The following PCDH9 variants were observed in gnomAD, a reference collection of about 807,000 sequenced individuals.
The protein encoded by PCDH9 is protocadherin 9, also known as protocadherin-9.
In PCDH9, 24 loss-of-function variants were observed where a neutral mutation model predicts 70.6. The observed-to-expected ratio is 0.34, with a 90% CI of 0.25 to 0.48. PCDH9 has a LOEUF of 0.48. Ranked by LOEUF, PCDH9 falls within the 20% of genes least tolerant of loss-of-function variation. The pLI is 0.99. For synonymous variants in PCDH9, 562 were observed against 558.5 expected, an observed-to-expected ratio of 1.01 and a Z score of -0.09; for missense variants, 1,281 against 1,503.6, an observed-to-expected ratio of 0.85 and a Z score of 2.45.
intron 2 of PCDH9, among the ~76,000 whole-genome samples, chr13:67,031,186 C>A (rs1008984102): frequency 6.6e-6 from 1 of 151,952 alleles, no homozygotes; most frequent in Non-Finnish European, 1.5e-5. Context: ...AGTAAAGAAC[C>A]AATAATGAAA....
chr13:67,013,226 C>T (rs1034676877), intron 2 of PCDH9, among the ~76,000 whole-genome samples: 2 of 149,208 alleles, frequency 1.3e-5, no homozygotes, highest in African/African-American at 4.9e-5. Flanking sequence ...TACAGTTTTT[C>T]GAGGCCATAT....
chr13:66,336,285 C>T (rs1956036566), intron 4 of PCDH9, among the ~76,000 whole-genome samples: 1 of 151,420 alleles, frequency 6.6e-6, no homozygotes, highest in Non-Finnish European at 1.5e-5. Context: ...TTTACAAAAT[C>T]CACAGTACTG....
intron 3 of PCDH9, among the ~76,000 whole-genome samples, chr13:66,830,672 C>A (rs1318473223): frequency 6.6e-6 from 1 of 152,096 alleles, no homozygotes; most frequent in Admixed American, 6.6e-5. Context: ...ATAAATTCAA[C>A]ATGCATTAAT....
intron 4 of PCDH9, among the ~76,000 whole-genome samples, chr13:66,370,585 G>A (rs1444388): frequency 0.93 from 139,200 of 150,294 alleles, 65,426 homozygotes; most frequent in East Asian, 1. Flanking sequence ...ATCATGTCTC[G>A]CTCTATCCTT....
chr13:66,500,641 A>G (rs1293769723), intron 4 of PCDH9, among the ~76,000 whole-genome samples: 2 of 152,238 alleles, frequency 1.3e-5, no homozygotes, highest in East Asian at 3.9e-4. Context: ...AGTTTTTTAT[A>G]TTATGAAAAT....
intron 4 of PCDH9, among the ~76,000 whole-genome samples, chr13:66,317,209 A>C (rs1171641943): frequency 1.3e-5 from 2 of 152,088 alleles, no homozygotes; most frequent in African/African-American, 2.4e-5. Flanking sequence ...TAATTATTAG[A>C]TATATTTAGA....
At chr13:67,216,860 G>C (rs2089618984) in intron 2 of PCDH9, 1 of 151,494 alleles carries the variant, frequency 6.6e-6, no homozygotes, top group Non-Finnish European at 1.5e-5. Flanking sequence ...AGCCAGTCCA[G>C]GTGTGTTCCC....
At chr13:66,970,809 C>G (rs2083508861) in intron 2 of PCDH9, among the ~76,000 whole-genome samples, 1 of 151,886 alleles carries the variant, frequency 6.6e-6, no homozygotes, top group African/African-American at 2.4e-5. Flanking sequence ...ATCCATTCCC[C>G]ATCTCCATTA....
intron 4 of PCDH9, among the ~76,000 whole-genome samples, chr13:66,326,811 T>G (rs894376038): frequency 2.6e-5 from 4 of 151,610 alleles, no homozygotes; most frequent in African/African-American, 9.8e-5. Flanking sequence ...GCTTTTTACA[T>G]AAAAATAAAT....
intron 3 of PCDH9, chr13:66,825,234 C>T (rs935298578): frequency 6.7e-6 from 1 of 150,276 alleles, no homozygotes; most frequent in Non-Finnish European, 1.5e-5. Flanking sequence ...TTCTCTCGAA[C>T]AGGTATGTTT....
At chr13:66,835,482 T>C (rs2081002287) in intron 3 of PCDH9, among the ~76,000 whole-genome samples, 1 of 152,222 alleles carries the variant, frequency 6.6e-6, no homozygotes, top group South Asian at 2.1e-4. Context: ...TTTGGGTCTG[T>C]CATTGTGATT....
At chr13:66,949,222 G>A (rs1355515577) in intron 2 of PCDH9, among the ~76,000 whole-genome samples, 5 of 152,020 alleles carry the variant, frequency 3.3e-5, no homozygotes, top group East Asian at 1.9e-4. Flanking sequence ...ATTATAGCAC[G>A]GCAAAGAAAA....
intron 3 of PCDH9, among the ~76,000 whole-genome samples, chr13:66,813,511 AAAGG>A (rs1368233073): frequency 3.3e-5 from 5 of 151,608 alleles, no homozygotes; most frequent in Admixed American, 6.6e-5. Context: ...GAAAAGGAAG[AAAGG>A]AAGGAAGGAA....
At chr13:66,389,803 A>T (rs1956987422) in intron 4 of PCDH9, among the ~76,000 whole-genome samples, 1 of 152,148 alleles carries the variant, frequency 6.6e-6, no homozygotes, top group Non-Finnish European at 1.5e-5. Flanking sequence ...TAAGTCAATG[A>T]CTTCCATCAT....
intron 4 of PCDH9, among the ~76,000 whole-genome samples, chr13:66,519,909 T>C (rs942433902): frequency 6.6e-6 from 1 of 152,186 alleles, no homozygotes; most frequent in African/African-American, 2.4e-5. Flanking sequence ...ATCTACACTT[T>C]TATATTTTAC....
chr13:66,452,505 T>C (rs1398659210), intron 4 of PCDH9, among the ~76,000 whole-genome samples: 1 of 152,160 alleles, frequency 6.6e-6, no homozygotes, highest in African/African-American at 2.4e-5. Context: ...TCCTTTCTTT[T>C]GAGTGCTTTG....
At chr13:66,509,617 C>T (rs1959365783) in intron 4 of PCDH9, among the ~76,000 whole-genome samples, 1 of 151,878 alleles carries the variant, frequency 6.6e-6, no homozygotes, top group East Asian at 1.9e-4. Context: ...TTTTCTTCTT[C>T]TTCTTCTTCT....
chr13:66,649,498 T>C (rs555725688), intron 3 of PCDH9, among the ~76,000 whole-genome samples: 2 of 152,038 alleles, frequency 1.3e-5, no homozygotes, highest in South Asian at 4.2e-4. Flanking sequence ...ATAAAGAGTT[T>C]CCCAGAAAAA....
At chr13:67,194,792 T>C (rs2138032332) in intron 2 of PCDH9, among the ~76,000 whole-genome samples, 1 of 152,294 alleles carries the variant, frequency 6.6e-6, no homozygotes, top group Non-Finnish European at 1.5e-5. Flanking sequence ...TGCGACTTTT[T>C]GACATGAGGG....
Sources: gnomAD v4.1 joint callset for allele counts (sites outside exome capture counted in the v4.1 genomes callset) on GRCh38, gnomAD v4.1.1 for gene constraint, MANE v1.5 for transcripts, NCBI Gene and HGNC (gene_info 2026-07-23, HGNC 2026-07-21) for gene names.